PTPRD: variants seen among roughly 807,000 people sequenced by gnomAD.
PTPRD encodes protein tyrosine phosphatase receptor type D.
In PTPRD, 34 loss-of-function variants were observed where a neutral mutation model predicts 214.5. That is an observed-to-expected ratio of 0.16 (90% CI 0.12 to 0.21). PTPRD has a LOEUF of 0.21. PTPRD is among the 10% of genes least tolerant of loss of function. The pLI, the probability that PTPRD is intolerant of heterozygous loss-of-function variation, is 1.00. For synonymous variants in PTPRD, 1,128 were observed against 845.7 expected (o/e 1.33, Z -5.79); for missense variants, 2,545 against 2,398.7 (o/e 1.06, Z -1.27).
In PTPRD at chr9:10,220,560, T is replaced by A. The variant is rs140135362; in HGVS notation, c.-545+120403A>T. Among the ~76,000 whole-genome samples the A allele has an allele frequency of 5.0e-3, 754 of 152,064 alleles. 5 individuals carry two copies. Among genetic ancestry groups the A allele is most frequent in the Non-Finnish European group, 8.2e-3 (558 of 67,904 alleles). ...TAAATCACAAGCTGTCATTACAAAT[T>A]TAAAAAGTTAATTGACAGCTGTCCT... On this transcript the variant is annotated intron_variant, in intron 3 of 45. Transcript: ENST00000381196.
At chr9:9,891,024 C>T (rs886544578) in intron 5 of PTPRD, among the ~76,000 whole-genome samples, 9 of 151,992 alleles carry the variant, frequency 5.9e-5, no homozygotes, top group African/African-American at 1.2e-4. Flanking sequence ...GATTTTTTCC[C>T]GTCTATAAAA....
chr9:9,970,881 T>C (rs754801330), intron 4 of PTPRD, among the ~76,000 whole-genome samples: 1 of 152,234 alleles, frequency 6.6e-6, no homozygotes, highest in Non-Finnish European at 1.5e-5. Flanking sequence ...GACAATCTGC[T>C]TATTTTCCAA....
chr9:9,983,840 A>C (rs57419570), intron 4 of PTPRD, among the ~76,000 whole-genome samples: 2,876 of 152,284 alleles, frequency 0.019, 114 homozygotes, highest in African/African-American at 0.067. Flanking sequence ...TAACAACTCT[A>C]ATCTTTGGAG....
In PTPRD at chr9:10,128,674, C is replaced by A. The variant is rs192937798; in HGVS notation, c.-544-94884G>T. ...ATCCTTAAACACACTAAGCACATTG[C>A]CATTTCAATGCCTGTTTTCTCTCTG... On this transcript the variant is annotated intron_variant, in intron 3 of 45. Coordinates refer to ENST00000381196, the MANE Select transcript of PTPRD (RefSeq NM_002839.4). Among the ~76,000 whole-genome samples, 190 of 152,256 alleles carry A rather than the reference C, an allele frequency of 1.2e-3. 5 individuals are homozygous for A. Among genetic ancestry groups the A allele is most frequent in the Admixed American group, 0.01 (153 of 15,284 alleles).
intron 8 of PTPRD, among the ~76,000 whole-genome samples, chr9:9,480,582 G>T (rs925660833): frequency 6.6e-6 from 1 of 152,010 alleles, no homozygotes; most frequent in Non-Finnish European, 1.5e-5. Flanking sequence ...GATGTTTATA[G>T]TGTCTCTTTT....
At chr9:9,505,637 G>C (rs1047035769) in intron 8 of PTPRD, among the ~76,000 whole-genome samples, 4 of 151,330 alleles carry the variant, frequency 2.6e-5, no homozygotes, top group South Asian at 2.1e-4. Flanking sequence ...TATGATAGGT[G>C]GCAAGGTTTC....
At chr9:9,464,837 A>G (rs923304458) in intron 8 of PTPRD, among the ~76,000 whole-genome samples, 4 of 152,178 alleles carry the variant, frequency 2.6e-5, no homozygotes, top group Admixed American at 6.5e-5. Flanking sequence ...TTAAAGGTAC[A>G]GCAAAAAGTG....
At chr9:10,553,803 A>G (rs2061873431) in intron 2 of PTPRD, among the ~76,000 whole-genome samples, 1 of 152,214 alleles carries the variant, frequency 6.6e-6, no homozygotes, top group Non-Finnish European at 1.5e-5. Flanking sequence ...TCTTCCAGTT[A>G]CACAAATTAG....
intron 9 of PTPRD, among the ~76,000 whole-genome samples, chr9:9,196,188 C>T (rs562894356): frequency 1.1e-4 from 17 of 152,242 alleles, no homozygotes; most frequent in South Asian, 4.1e-4. Flanking sequence ...GAAACTCACA[C>T]GATCCAAAAC....
chr9:9,783,592 T>A (rs1223207120), intron 5 of PTPRD, among the ~76,000 whole-genome samples: 1 of 152,108 alleles, frequency 6.6e-6, no homozygotes, highest in Non-Finnish European at 1.5e-5. Flanking sequence ...ATCAAACTGA[T>A]AATACAGAAT....
chr9:8,685,377 G>A (rs934489084), intron 12 of PTPRD, among the ~76,000 whole-genome samples: 1 of 151,830 alleles, frequency 6.6e-6, no homozygotes, highest in Admixed American at 6.6e-5. Flanking sequence ...AATCATTTTT[G>A]AAGGTTCCAG....
intron 4 of PTPRD, among the ~76,000 whole-genome samples, chr9:10,018,683 G>C (rs2096778609): frequency 6.8e-6 from 1 of 147,698 alleles, no homozygotes; most frequent in South Asian, 2.2e-4. Flanking sequence ...AAGTAGCTGG[G>C]ACTACAGGCG....
At chr9:10,087,176 T>C (rs919506203) in intron 3 of PTPRD, among the ~76,000 whole-genome samples, 1 of 151,380 alleles carries the variant, frequency 6.6e-6, no homozygotes, top group Non-Finnish European at 1.5e-5. Context: ...GTATGTAATA[T>C]GTATAATAAA....
chr9:10,284,430 T>A (rs10959017), intron 3 of PTPRD, among the ~76,000 whole-genome samples: 12,971 of 152,230 alleles, frequency 0.085, 871 homozygotes, highest in East Asian at 0.19. Context: ...AAACCATGTA[T>A]GTGCATATGA....
At position 10,290,723 on chromosome 9, in the gene PTPRD, C is replaced by G. The variant is rs200828308; in HGVS notation, c.-545+50240G>C. On this transcript the variant is annotated intron_variant, in intron 3 of 45. Transcript: ENST00000381196. ...GCTGACATGCATTATGTTTAGGAGA[C>G]AAAAAGACAACAGAAGCATTCTCCA... 5.3e-5 allele frequency among the ~76,000 whole-genome samples: 8 copies of G among 151,796 alleles called. No homozygotes were observed. The East Asian group carries it at 1.5e-3, about 29-fold the overall frequency.
chr9:10,075,932 C>A (rs566242871), intron 3 of PTPRD, among the ~76,000 whole-genome samples: 1 of 152,138 alleles, frequency 6.6e-6, no homozygotes, highest in Non-Finnish European at 1.5e-5. Flanking sequence ...GAAGTCTTCA[C>A]ACTCACAGTT....
At chr9:8,647,965 T>C (rs984980134) in intron 12 of PTPRD, among the ~76,000 whole-genome samples, 2 of 152,216 alleles carry the variant, frequency 1.3e-5, no homozygotes, top group Non-Finnish European at 2.9e-5. Flanking sequence ...GTTGCCACCA[T>C]GGGACTTCCC....
chr9:8,842,831 T>C (rs1465622950), intron 11 of PTPRD, among the ~76,000 whole-genome samples: 3 of 152,264 alleles, frequency 2.0e-5, no homozygotes, highest in Non-Finnish European at 2.9e-5. Context: ...AGGGGAGACT[T>C]TGACGGTGTT....
intron 11 of PTPRD, among the ~76,000 whole-genome samples, chr9:8,918,633 A>C (rs1414017693): frequency 1.3e-5 from 2 of 152,184 alleles, no homozygotes; most frequent in East Asian, 3.9e-4. Flanking sequence ...GTTAGAAAAC[A>C]TATTGCACAC....
Sources: gnomAD v4.1 joint callset for allele counts (sites outside exome capture counted in the v4.1 genomes callset) on GRCh38, gnomAD v4.1.1 for gene constraint, MANE v1.5 for transcripts, NCBI Gene and HGNC (gene_info 2026-07-23, HGNC 2026-07-21) for gene names.